Variants in IRF2 observed in about 807,000 individuals in gnomAD.
IRF2 encodes interferon regulatory factor 2.
In IRF2, 15 loss-of-function variants were observed where a neutral mutation model predicts 40.6. The observed-to-expected ratio is 0.37, with a 90% CI of 0.25 to 0.57. IRF2 has a LOEUF of 0.57. Among genes scored for constraint, IRF2 ranks in the 20% least tolerant of loss-of-function variants. IRF2 has a pLI of 0.77. For synonymous variants in IRF2, 151 were observed against 165.5 expected (o/e 0.91, Z 0.67); for missense variants, 317 against 455.7 (o/e 0.70, Z 2.77).
intron 6 of IRF2, among the ~76,000 whole-genome samples, chr4:184,402,412 C>T (rs1286990435): frequency 4.6e-5 from 7 of 152,152 alleles, no homozygotes; most frequent in African/African-American, 2.4e-5. Flanking sequence ...GTCACTCGGC[C>T]GAAACTACGA....
chr4:184,414,665 G>T (rs13114710), intron 5 of IRF2, among the ~76,000 whole-genome samples: 9,116 of 152,344 alleles, frequency 0.06, 369 homozygotes, highest in Admixed American at 0.095. Flanking sequence ...TGGCCAATGG[G>T]CCTTGGGTGT....
intron 7 of IRF2, among the ~76,000 whole-genome samples, chr4:184,397,412 G>C (rs566849475): frequency 6.6e-6 from 1 of 152,318 alleles, no homozygotes; most frequent in African/African-American, 2.4e-5. Flanking sequence ...CGTTCTGGAG[G>C]TGGATGCTGG....
intron 2 of IRF2, among the ~76,000 whole-genome samples, chr4:184,427,544 A>G (rs1394528580): frequency 6.6e-6 from 1 of 152,114 alleles, no homozygotes; most frequent in East Asian, 1.9e-4. Context: ...TACTTGGGAG[A>G]CAAAGGTGGG....
Position 184,416,448 on chromosome 4 carries a change from T to TA in IRF2, c.411+1718dup, listed in dbSNP as rs201838613. ...GTAATATAGGAGAAACATATATCCT[T>TA]AAAAAATACTTAAAAGACATTCAAA... On this transcript the variant is annotated intron_variant, in intron 5 of 8. Transcript: ENST00000393593. Among the ~76,000 whole-genome samples, 1,009 of 151,520 alleles carry TA rather than the reference T, an allele frequency of 6.7e-3. 12 individuals are homozygous for TA. Among genetic ancestry groups the TA allele is most frequent in the African/African-American group, 0.023 (952 of 41,318 alleles).
chr4:184,396,432 T>C (rs573122497), intron 7 of IRF2, among the ~76,000 whole-genome samples: 68 of 150,760 alleles, frequency 4.5e-4, no homozygotes, highest in African/African-American at 1.6e-3. Flanking sequence ...ATATATTTTT[T>C]TTTCTTTTTT....
intron 1 of IRF2, among the ~76,000 whole-genome samples, chr4:184,461,729 C>T (rs1314750422): frequency 5.2e-5 from 7 of 133,874 alleles, no homozygotes; most frequent in East Asian, 5.0e-4. Flanking sequence ...TCCCAAACTG[C>T]GAGGACTTTC....
rs559158635 is a variant in IRF2 at position 184,456,155 on chromosome 4, C to T, written c.-7+18224G>A. On this transcript the variant is annotated intron_variant, in intron 1 of 8. Coordinates refer to ENST00000393593, the MANE Select transcript of IRF2 (RefSeq NM_002199.4). ...CTGACACACTGGGTTCGAGTTCCCTCTCTGCATCAGACTCACCCCCATTAG... is the reference window on the plus strand; with the variant it reads ...CTGACACACTGGGTTCGAGTTCCCTTTCTGCATCAGACTCACCCCCATTAG... 2.0e-4 allele frequency among the ~76,000 whole-genome samples: 30 copies of T among 152,330 alleles called. 1 individual carries two copies. Among genetic ancestry groups the T allele is most frequent in the Non-Finnish European group, 1.2e-4 (8 of 68,034 alleles).
At chr4:184,451,652 G>A (rs35851973) in intron 1 of IRF2, among the ~76,000 whole-genome samples, 2 of 152,122 alleles carry the variant, frequency 1.3e-5, no homozygotes, top group African/African-American at 4.8e-5. Context: ...TTCTACATGT[G>A]CCATTGATCC....
chr4:184,442,880 T>C (rs1738362861), intron 1 of IRF2, among the ~76,000 whole-genome samples: 1 of 30,310 alleles, frequency 3.3e-5, no homozygotes, highest in Non-Finnish European at 6.3e-5. Flanking sequence ...GAAGATAACT[T>C]TGTGGGGGTG....
chr4:184,455,067 A>C (rs564142287), intron 1 of IRF2, among the ~76,000 whole-genome samples: 1 of 152,180 alleles, frequency 6.6e-6, no homozygotes, highest in East Asian at 1.9e-4. Context: ...AATCTCCCCA[A>C]ATGGCTCCTG....
Position 184,418,166 on chromosome 4 carries a change from C to T in IRF2, c.411+1G>A. On this transcript the variant is annotated splice_donor_variant, in intron 5 of 8. Transcript: ENST00000393593. LOFTEE classifies it high-confidence loss of function. Reference sequence around the variant, plus strand: ...TTTCTCTCTGAATCACCCAAGATTACCTTGATGTGCTTAACTTTGTCTTCT... The same window carrying T: ...TTTCTCTCTGAATCACCCAAGATTATCTTGATGTGCTTAACTTTGTCTTCT... The T allele has an allele frequency of 6.2e-7, 1 of 1,613,068 alleles. No individual in the cohort carries two copies. Among genetic ancestry groups the T allele is most frequent in the Non-Finnish European group, 8.5e-7 (1 of 1,179,016 alleles).
At position 184,387,734 on chromosome 4, in the gene IRF2, C is replaced by A. The variant is rs1736107088; in HGVS notation, c.*1024G>T. 6.6e-6 allele frequency: 1 copy of A among 152,392 alleles called. No individual in the cohort carries two copies. Among genetic ancestry groups the A allele is most frequent in the Non-Finnish European group, 1.5e-5 (1 of 68,012 alleles). The allele number at this position is 152,392 out of a possible 1,614,324, so 9.4% of individuals were successfully genotyped here. The stretch of plus-strand genomic sequence containing the variant: ...GGAGTGATGCCCCTTAAAAATTTAA[C>A]TATATATCATATTCATTTATTATCA... On this transcript the variant is annotated 3_prime_UTR_variant, in exon 9 of 9. Transcript: ENST00000393593.
chr4:184,473,577 G>A (rs1579126474), intron 1 of IRF2, among the ~76,000 whole-genome samples: 1 of 147,732 alleles, frequency 6.8e-6, no homozygotes. Context: ...CTGAGCGGCG[G>A]CGGCGGCGGC....
chr4:184,438,125 G>A (rs188382140), intron 1 of IRF2, among the ~76,000 whole-genome samples: 85 of 152,140 alleles, frequency 5.6e-4, no homozygotes, highest in African/African-American at 2.0e-3. Context: ...CCTTTCATGC[G>A]TTATTTCACT....
chr4:184,409,200 C>T (rs900673157), intron 5 of IRF2, among the ~76,000 whole-genome samples: 2 of 152,136 alleles, frequency 1.3e-5, no homozygotes, highest in Non-Finnish European at 2.9e-5. Flanking sequence ...GAACACAGGA[C>T]TGGAAGCAGA....
intron 1 of IRF2, among the ~76,000 whole-genome samples, chr4:184,465,664 C>A (rs962595918): frequency 6.6e-6 from 1 of 152,310 alleles, no homozygotes; most frequent in Non-Finnish European, 1.5e-5. Flanking sequence ...CATCACTAAA[C>A]GCTGCTCGAA....
intron 1 of IRF2, among the ~76,000 whole-genome samples, chr4:184,447,958 G>C (rs1419221268): frequency 1.3e-5 from 2 of 152,232 alleles, no homozygotes; most frequent in African/African-American, 4.8e-5. Flanking sequence ...ACACAGCGGT[G>C]CTAGTTTCCT....
At chr4:184,415,478 G>A (rs187708603) in intron 5 of IRF2, among the ~76,000 whole-genome samples, 1 of 152,324 alleles carries the variant, frequency 6.6e-6, no homozygotes, top group East Asian at 1.9e-4. Context: ...TGGCTGTAGA[G>A]ATCCCAGACA....
rs202215108 is a variant in IRF2 at position 184,425,986 on chromosome 4, G to T, written c.87+2992C>A. On this transcript the variant is annotated intron_variant, in intron 2 of 8. Coordinates refer to ENST00000393593, the MANE Select transcript of IRF2 (RefSeq NM_002199.4). ...GCAGGGCTCACTCCGGTTTTTGTTT[G>T]TTTGTTTGTTTGTTTGTTTGTTTGT... Among the ~76,000 whole-genome samples, 112 of 33,204 alleles carry T rather than the reference G, an allele frequency of 3.4e-3. 1 individual carries two copies. The highest frequency in any genetic ancestry group is 0.011 in the South Asian group (11 of 966). 21.8% of individuals were successfully genotyped at this position (33,204 alleles called of 152,430 possible).
Sources: gnomAD v4.1 joint callset for allele counts (sites outside exome capture counted in the v4.1 genomes callset) on GRCh38, gnomAD v4.1.1 for gene constraint, MANE v1.5 for transcripts, NCBI Gene and HGNC (gene_info 2026-07-23, HGNC 2026-07-21) for gene names.